Variants in MSL3B observed in about 807,000 individuals in gnomAD.
MSL3B encodes the protein MSL complex subunit 3 pseudogene 1.
At chr2:233,868,176 G>A in the MSL3B span, 1 of 445,550 alleles carries the variant, frequency 2.2e-6, no homozygotes, top group Non-Finnish European at 4.6e-6. Context: ...CAACGGATCA[G>A]CTATTCTGGG....
At chr2:233,867,305 CT>C in the MSL3B span, 8 of 707,986 alleles carry the variant, frequency 1.1e-5, no homozygotes, top group Admixed American at 1.1e-4. Flanking sequence ...AGAGGAACTG[CT>C]TAATGAGTTT....
the MSL3B span, chr2:233,866,994 C>A: frequency 6.4e-5 from 84 of 1,308,008 alleles, no homozygotes; most frequent in Admixed American, 1.5e-4. Context: ...TGTGGCATAG[C>A]GTGATGGTGA....
At chr2:233,865,001 C>T in the MSL3B span, among the ~76,000 whole-genome samples, 5 of 152,146 alleles carry the variant, frequency 3.3e-5, no homozygotes, top group Admixed American at 6.5e-5. Context: ...GTGGGTGGCA[C>T]GTCATTCTCT....
At chr2:233,868,126 T>A in the MSL3B span, 6,368 of 358,264 alleles carry the variant, frequency 0.018, 344 homozygotes, top group East Asian at 0.21. Flanking sequence ...GCACATGATC[T>A]TCGGCTACCC....
At chr2:233,866,491 A>G in the MSL3B span, 1 of 1,257,540 alleles carries the variant, frequency 8.0e-7, no homozygotes, top group Non-Finnish European at 1.2e-6. Context: ...GAGTCAGAGT[A>G]GGTGAAGATG....
chr2:233,866,654 GACTGC>G, the MSL3B span: 1 of 789,934 alleles, frequency 1.3e-6, no homozygotes, highest in Admixed American at 1.7e-5. Flanking sequence ...CCGCCTCAGA[GACTGC>G]ACTGCTTGCG....
the MSL3B span, chr2:233,866,431 A>T: frequency 5.7e-6 from 7 of 1,232,542 alleles, no homozygotes; most frequent in African/African-American, 1.5e-5. Context: ...TTATTTCATT[A>T]GTTCTTCTCC....
chr2:233,865,535 T>C, the MSL3B span: 1 of 152,298 alleles, frequency 6.6e-6, no homozygotes, highest in Non-Finnish European at 1.5e-5. Context: ...AGCTGTAAAA[T>C]TGCAAACAAG....
At chr2:233,867,286 A>G in the MSL3B span, 2 of 739,834 alleles carry the variant, frequency 2.7e-6, no homozygotes, top group East Asian at 2.4e-5. Context: ...CCTTGTCTTC[A>G]CTACTGTCAG....
the MSL3B span, chr2:233,868,239 G>T: frequency 2.6e-6 from 1 of 389,270 alleles, no homozygotes; most frequent in South Asian, 2.3e-5. Context: ...ATCTAGGTCG[G>T]ACGGCGTCCG....
the MSL3B span, chr2:233,866,119 G>A: frequency 1.7e-6 from 1 of 573,126 alleles, no homozygotes; most frequent in South Asian, 1.4e-5. Context: ...TGTTCTTACA[G>A]AACCATCAAC....
the MSL3B span, chr2:233,867,064 C>G: frequency 8.3e-7 from 1 of 1,204,560 alleles, no homozygotes. Context: ...CATAGGATTC[C>G]AAAATCGTTA....
the MSL3B span, chr2:233,866,168 A>C: frequency 3.2e-6 from 2 of 628,276 alleles, no homozygotes; most frequent in Admixed American, 3.7e-5. Context: ...GCTGTAATGC[A>C]CCTCAGAGGC....
the MSL3B span, among the ~76,000 whole-genome samples, chr2:233,864,976 TG>T: frequency 1.3e-5 from 2 of 152,216 alleles, no homozygotes; most frequent in Non-Finnish European, 2.9e-5. Flanking sequence ...GCTTTGTCTT[TG>T]TACTTCAGAT....
chr2:233,866,667 G>A, the MSL3B span: 2 of 789,064 alleles, frequency 2.5e-6, no homozygotes, highest in African/African-American at 3.4e-5. Context: ...TGCACTGCTT[G>A]CGGCTCGGCT....
the MSL3B span, among the ~76,000 whole-genome samples, chr2:233,867,667 G>C: frequency 6.6e-6 from 1 of 151,524 alleles, no homozygotes; most frequent in Non-Finnish European, 1.5e-5. Flanking sequence ...TAGCAGAGAC[G>C]GGGTTTCACC....
chr2:233,866,566 G>T, the MSL3B span: 1 of 909,710 alleles, frequency 1.1e-6, no homozygotes, highest in Non-Finnish European at 1.9e-6. Context: ...TGGTGGACAT[G>T]TCCTGCTGCC....
At chr2:233,868,115 A>C in the MSL3B span, 1 of 333,436 alleles carries the variant, frequency 3.0e-6, no homozygotes, top group Non-Finnish European at 6.3e-6. Flanking sequence ...GGGCTCACGA[A>C]GCACATGATC....
chr2:233,868,206 C>A, the MSL3B span: 1 of 455,806 alleles, frequency 2.2e-6, no homozygotes. Flanking sequence ...CCTTTTTCGC[C>A]TTTCCCAACA....
Sources: allele counts gnomAD v4.1 joint callset (sites outside exome capture counted in the v4.1 genomes callset), GRCh38; gene constraint gnomAD v4.1.1; transcripts MANE v1.5; gene names NCBI Gene and HGNC (gene_info 2026-07-23, HGNC 2026-07-21).